Variants in GOLM1 observed in about 807,000 individuals in gnomAD.
GOLM1 encodes golgi membrane protein 1.
In GOLM1, 31 loss-of-function variants were observed where a neutral mutation model predicts 50.5. The observed-to-expected ratio is 0.61, with a 90% confidence interval of 0.46 to 0.83. The LOEUF is 0.83. Ranked by LOEUF, GOLM1 falls within the 40% of genes least tolerant of loss-of-function variation. The pLI is 0.00. For synonymous variants in GOLM1, 178 were observed against 192.8 expected, an observed-to-expected ratio of 0.92 and a Z score of 0.64; for missense variants, 491 against 501.3, an observed-to-expected ratio of 0.98 and a Z score of 0.20.
intron 1 of GOLM1, among the ~76,000 whole-genome samples, chr9:86,087,245 T>C (rs1453829692): frequency 1.3e-5 from 2 of 152,222 alleles, no homozygotes; most frequent in Non-Finnish European, 2.9e-5. Flanking sequence ...ATGATTTGGC[T>C]GTTTGTCTAT....
At chr9:86,044,048 G>A (rs1284258018) in intron 5 of GOLM1, among the ~76,000 whole-genome samples, 2 of 152,158 alleles carry the variant, frequency 1.3e-5, no homozygotes, top group African/African-American at 2.4e-5. Flanking sequence ...CCTTAGCACT[G>A]TATATGTTTT....
intron 1 of GOLM1, among the ~76,000 whole-genome samples, chr9:86,083,364 A>C (rs1035419349): frequency 2.0e-5 from 3 of 152,204 alleles, no homozygotes; most frequent in African/African-American, 7.2e-5. Context: ...GTACAGATGC[A>C]ACCACAGTAG....
At chr9:86,088,420 G>GTATATATATATATATATATACA (rs1835051214) in intron 1 of GOLM1, among the ~76,000 whole-genome samples, 4 of 86,306 alleles carry the variant, frequency 4.6e-5, no homozygotes, top group African/African-American at 2.3e-4. Context: ...TTTGAAGGGT[G>GTATATATATATATATATATACA]TATATATATA....
intron 4 of GOLM1, 58 bp from the exon 5 acceptor site, chr9:86,046,630 G>T: frequency 9.9e-7 from 1 of 1,010,716 alleles, no homozygotes; most frequent in Non-Finnish European, 1.5e-6. Context: ...ATGCCATTCA[G>T]CCAAAATATG....
At chr9:86,062,705 A>G (rs1834197378) in intron 3 of GOLM1, among the ~76,000 whole-genome samples, 1 of 148,676 alleles carries the variant, frequency 6.7e-6, no homozygotes, top group South Asian at 2.2e-4. Context: ...AGGCAGGAGG[A>G]AGGAAAAAGG....
At chr9:86,037,438 C>CAAAAAAA (rs112398885) in intron 6 of GOLM1, among the ~76,000 whole-genome samples, 1 of 59,206 alleles carries the variant, frequency 1.7e-5, no homozygotes, top group African/African-American at 4.7e-5. Flanking sequence ...GACTGTCTCT[C>CAAAAAAA]AAAAAAAAAA....
At chr9:86,050,545 T>C (rs892372767) in intron 4 of GOLM1, among the ~76,000 whole-genome samples, 2 of 152,196 alleles carry the variant, frequency 1.3e-5, no homozygotes, top group African/African-American at 4.8e-5. Flanking sequence ...TCAGAGCCTG[T>C]TATTGGTCTA....
At position 86,035,867 on chromosome 9, in the gene GOLM1, AAAAAAAAAAACAAAAC is replaced by A. The variant is rs1337995041; in HGVS notation, c.758-258_758-243del. Among the ~76,000 whole-genome samples, 100 of 111,644 alleles carry A rather than the reference AAAAAAAAAAACAAAAC, an allele frequency of 9.0e-4. 3 individuals carry two copies. The highest frequency in any genetic ancestry group is 3.8e-3 in the African/African-American group (86 of 22,358). The allele number at this position is 111,644 out of a possible 152,430, so 73.2% of individuals were successfully genotyped here. ...GCGACAAAGGGAAAAGTAGCTTACC[AAAAAAAAAAACAAAAC>A]AAAAAAAAAAAAACACCTGGACTAA... On this transcript the variant is annotated intron_variant, in intron 7 of 9. Transcript: ENST00000388712.
chr9:86,046,578 C>T lies in GOLM1; in HGVS notation c.365-6G>A, dbSNP rs1307483370. On this transcript the variant is annotated splice_region_variant and splice_polypyrimidine_tract_variant and intron_variant, in intron 4 of 9. Coordinates refer to ENST00000388712, the MANE Select transcript of GOLM1 (RefSeq NM_016548.4). ...CTGCAGGGTCTTTAACTGGTCTACA[C>T]CAAGGGGACAAGGAATTGCACAGGT... The T allele has an allele frequency of 6.3e-7, 1 of 1,579,036 alleles. No individual in the cohort carries two copies.
At chr9:86,090,808 A>C (rs942619801) in intron 1 of GOLM1, among the ~76,000 whole-genome samples, 12 of 151,362 alleles carry the variant, frequency 7.9e-5, no homozygotes, top group South Asian at 4.2e-4. Context: ...AAAAAAAAAA[A>C]AAAAAACTCC....
chr9:86,031,449 GTTTTTTTTTTTT>G (rs774806772), intron 9 of GOLM1, among the ~76,000 whole-genome samples: 1 of 79,498 alleles, frequency 1.3e-5, no homozygotes, highest in African/African-American at 4.5e-5. Context: ...TACCACTGAG[GTTTTTTTTTTTT>G]TTTTTTTTTT....
chr9:86,088,420 G>GTATATATGTATATATATA (rs1835051091), intron 1 of GOLM1, among the ~76,000 whole-genome samples: 1 of 86,306 alleles, frequency 1.2e-5, no homozygotes, highest in Admixed American at 1.2e-4. Flanking sequence ...TTTGAAGGGT[G>GTATATATGTATATATATA]TATATATATA....
At chr9:86,056,501 T>TA (rs530650572) in intron 3 of GOLM1, among the ~76,000 whole-genome samples, 19 of 83,720 alleles carry the variant, frequency 2.3e-4, no homozygotes, top group African/African-American at 3.1e-4. Context: ...ATTTTTTATT[T>TA]AAATTTTTTT....
chr9:86,086,446 T>C (rs1834964340), intron 1 of GOLM1, among the ~76,000 whole-genome samples: 1 of 152,212 alleles, frequency 6.6e-6, no homozygotes, highest in Non-Finnish European at 1.5e-5. Flanking sequence ...TCTTTAGCTG[T>C]GCAGAAGCTC....
intron 3 of GOLM1, among the ~76,000 whole-genome samples, chr9:86,053,619 CCAAACATCACTACAAA>C (rs1833875911): frequency 1.7e-5 from 1 of 59,008 alleles, no homozygotes; most frequent in Non-Finnish European, 3.6e-5. Context: ...ACACACCACA[CCAAACATCACTACAAA>C]ACACACACCA....
intron 1 of GOLM1, among the ~76,000 whole-genome samples, chr9:86,090,736 G>C (rs1039589042): frequency 6.8e-6 from 1 of 148,040 alleles, no homozygotes; most frequent in African/African-American, 2.5e-5. Context: ...CTCCTTTCCA[G>C]GGGAGTGAAC....
At position 86,040,732 on chromosome 9, in the gene GOLM1, C is replaced by T. The variant is rs1564342682; in HGVS notation, c.597+7G>A. On this transcript the variant is annotated splice_region_variant and intron_variant, in intron 6 of 9. Coordinates refer to ENST00000388712, the MANE Select transcript of GOLM1 (RefSeq NM_016548.4). ...CTAGAAACTCTTGGCAAAAATTCCC[C>T]AGTTACCTGCTGTCTCTGGTCGTTG... 6.2e-7 allele frequency: 1 copy of T among 1,606,112 alleles called. No homozygotes were observed. Among genetic ancestry groups the T allele is most frequent in the East Asian group, 2.2e-5 (1 of 44,860 alleles).
At chr9:86,040,501 C>T (rs985488637) in intron 6 of GOLM1, among the ~76,000 whole-genome samples, 3 of 152,088 alleles carry the variant, frequency 2.0e-5, no homozygotes, top group Admixed American at 6.6e-5. Flanking sequence ...AGGCTGGCTG[C>T]GAGCTTTAAA....
chr9:86,063,836 G>C (rs1244735364), intron 3 of GOLM1, among the ~76,000 whole-genome samples: 1 of 152,218 alleles, frequency 6.6e-6, no homozygotes, highest in African/African-American at 2.4e-5. Context: ...AAGGCCAAGA[G>C]CGAGGACACC....
Sources: gnomAD v4.1 joint callset for allele counts (sites outside exome capture counted in the v4.1 genomes callset) on GRCh38, gnomAD v4.1.1 for gene constraint, MANE v1.5 for transcripts, NCBI Gene and HGNC (gene_info 2026-07-23, HGNC 2026-07-21) for gene names.